The following SLC10A1 variants were observed in gnomAD, a reference collection of about 807,000 sequenced individuals.
SLC10A1 encodes hepatic sodium/bile acid cotransporter.
In SLC10A1, 36 loss-of-function variants were observed where a neutral mutation model predicts 20.5. That is an observed-to-expected ratio of 1.75 (90% CI 1.34 to 2.32). The LOEUF is 2.32. Among genes scored for constraint, SLC10A1 ranks in the 30% most tolerant of loss-of-function variants. The probability of loss-of-function intolerance (pLI) is 0.00; values close to 1 mark genes in which losing one functional copy is unlikely to be tolerated. For missense variants in SLC10A1, 545 were observed against 439.1 expected (o/e 1.24, Z -2.16); for synonymous variants, 188 against 163.6 (o/e 1.15, Z -1.14).
Position 69,786,133 on chromosome 14 carries a change from T to G in SLC10A1, c.531A>C (p.Lys177Asn). 1.2e-6 allele frequency: 2 copies of G among 1,614,150 alleles called. No individual in the cohort carries two copies. The highest frequency in any genetic ancestry group is 1.7e-6 in the Non-Finnish European group (2 of 1,180,038). The change falls in exon 2 of 5, where the codon AAA becomes AAC. Residue 177 changes from lysine (K) to asparagine (N), a missense_variant. By Grantham distance (94) the Lys-to-Asn change is moderately conservative. Transcript: ENST00000216540. Reference protein sequence around the residue: ...LIPCTIGIVLKSKRPQYMRYV... With the variant: ...LIPCTIGIVLNSKRPQYMRYV... Reference sequence around the variant, plus strand: ...AGCGCATGTATTGTGGCCGTTTGGATTTGAGGACGATCCCTATGGTGCAAG... The same window carrying G: ...AGCGCATGTATTGTGGCCGTTTGGAGTTGAGGACGATCCCTATGGTGCAAG...
intron 2 of SLC10A1, among the ~76,000 whole-genome samples, chr14:69,785,180 A>T (rs1345905225): frequency 6.6e-6 from 1 of 152,116 alleles, no homozygotes; most frequent in Non-Finnish European, 1.5e-5. Flanking sequence ...GCAGGGACCA[A>T]ACTCCAAGGT....
chr14:69,789,882 A>G (rs1883800383), intron 1 of SLC10A1, among the ~76,000 whole-genome samples: 1 of 151,776 alleles, frequency 6.6e-6, no homozygotes, highest in Non-Finnish European at 1.5e-5. Flanking sequence ...TAAGTTTTGT[A>G]AATTGTTAGA....
chr14:69,787,959 C>T (rs1036676591), intron 1 of SLC10A1, among the ~76,000 whole-genome samples: 1 of 152,002 alleles, frequency 6.6e-6, no homozygotes, highest in East Asian at 1.9e-4. Flanking sequence ...ACTTGGGAGG[C>T]TGAGGCAGGA....
At chr14:69,787,790 G>A (rs1397872945) in intron 1 of SLC10A1, among the ~76,000 whole-genome samples, 2 of 152,150 alleles carry the variant, frequency 1.3e-5, no homozygotes, top group Non-Finnish European at 2.9e-5. Context: ...AGCATTTAGG[G>A]AGGCCGAGGA....
rs200762587 is a variant in SLC10A1, at chr14:69,775,999, A to G, written c.*283T>C. On this transcript the variant is annotated 3_prime_UTR_variant, in exon 5 of 5. Coordinates refer to ENST00000216540, the MANE Select transcript of SLC10A1 (RefSeq NM_003049.4). ...TTTAAGATGCTTATCAGACACTTTT[A>G]GAGATCCCAGCAAGAGGCAGATTCG... 5 of 398,288 alleles carry G rather than the reference A, an allele frequency of 1.3e-5. No individual in the cohort carries two copies. The South Asian group carries it at 1.8e-4, about 14-fold the overall frequency. 24.7% of individuals were successfully genotyped at this position (398,288 alleles called of 1,614,324 possible).
chr14:69,797,128 AT>A lies in SLC10A1; in HGVS notation c.27del (p.Phe10SerfsTer18). ...AAGTTGGGTGGCAGGGTGAAGTTGA[AT>A]GGGGCAGACGCGTTGTGGGCCTCCA... MEAHNASAPFNFTLPPNFG... is the reference protein window; with the variant it reads MEAHNASAXFNFTLPPNFG... On this transcript the variant is annotated frameshift_variant, in exon 1 of 5. Transcript: ENST00000216540. LOFTEE classifies it high-confidence loss of function. 1 of 1,613,594 alleles carries A rather than the reference AT, an allele frequency of 6.2e-7. No individual in the cohort carries two copies. Among genetic ancestry groups the A allele is most frequent in the South Asian group, 1.1e-5 (1 of 91,022 alleles).
intron 1 of SLC10A1, among the ~76,000 whole-genome samples, chr14:69,790,931 C>A (rs1161088479): frequency 6.6e-6 from 1 of 151,968 alleles, no homozygotes; most frequent in African/African-American, 2.4e-5. Context: ...GTATGAGGTT[C>A]TAAATACATT....
intron 1 of SLC10A1, among the ~76,000 whole-genome samples, chr14:69,789,773 CAT>C (rs1234454857): frequency 1.3e-5 from 2 of 152,044 alleles, no homozygotes; most frequent in African/African-American, 4.8e-5. Context: ...TATAGCCTAA[CAT>C]ATTTATATTG....
At chr14:69,779,084 C>G (rs1883521237) in intron 3 of SLC10A1, 98 bp downstream of exon 3, 1 of 887,834 alleles carries the variant, frequency 1.1e-6, no homozygotes, top group Admixed American at 2.9e-5. Flanking sequence ...TCAGTTAAAC[C>G]CTGGAGGTTG....
chr14:69,781,468 A>G (rs1251211281), intron 2 of SLC10A1, among the ~76,000 whole-genome samples: 1 of 152,238 alleles, frequency 6.6e-6, no homozygotes, highest in African/African-American at 2.4e-5. Flanking sequence ...AGAAATAATC[A>G]GATTCTCTCA....
intron 1 of SLC10A1, among the ~76,000 whole-genome samples, chr14:69,789,526 G>A (rs1432086901): frequency 6.6e-6 from 1 of 152,182 alleles, no homozygotes; most frequent in African/African-American, 2.4e-5. Context: ...GTTGTCAAGG[G>A]TTGGAGCAGG....
chr14:69,791,152 G>A (rs1883828724), intron 1 of SLC10A1, among the ~76,000 whole-genome samples: 2 of 152,034 alleles, frequency 1.3e-5, no homozygotes, highest in African/African-American at 4.8e-5. Context: ...TTATAGATGG[G>A]AAGATTCAAT....
rs199725236 is a variant in SLC10A1 at position 69,796,986 on chromosome 14, T to A, written c.170A>T (p.Lys57Met). ...EFSKIKAHLW[K>M]PKGLAIALVA... is the part of the protein sequence containing the mutation. ...CAGGGCGATGGCCAGCCCTTTAGGC[T>A]TCCATAAGTGAGCCTTGATCTTGCT... Residue 57 changes from lysine (K) to methionine (M), a missense_variant, in exon 1 of 5, where the codon AAG becomes ATG. Lys to Met is a moderately conservative substitution (Grantham distance 95). Coordinates refer to ENST00000216540, the MANE Select transcript of SLC10A1 (RefSeq NM_003049.4). 5 of 1,614,118 alleles carry A rather than the reference T, an allele frequency of 3.1e-6. No individual in the cohort carries two copies. Among genetic ancestry groups the A allele is most frequent in the Admixed American group, 3.3e-5 (2 of 60,012 alleles).
At position 69,779,210 on chromosome 14, in the gene SLC10A1, G is replaced by C; in HGVS notation, c.718C>G (p.Leu240Val). The C allele has an allele frequency of 6.2e-7, 1 of 1,612,756 alleles. No individual in the cohort carries two copies. The highest frequency in any genetic ancestry group is 8.5e-7 in the Non-Finnish European group (1 of 1,179,586). ...PFIGFLLGYV[L>V]SALFCLNGRC... Reference sequence around the variant, plus strand: ...CCATTGAGGCAGAAGAGAGCAGAGAGAACATAACCCAGCAGAAAGCCAATA... The same window carrying C: ...CCATTGAGGCAGAAGAGAGCAGAGACAACATAACCCAGCAGAAAGCCAATA... Residue 240 changes from leucine to valine, a missense_variant, in exon 3 of 5, where the codon CTC becomes GTC. Transcript: ENST00000216540.
chr14:69,794,039 C>A (rs1882338024), intron 1 of SLC10A1, among the ~76,000 whole-genome samples: 1 of 152,092 alleles, frequency 6.6e-6, no homozygotes, highest in African/African-American at 2.4e-5. Flanking sequence ...GACACAGTTT[C>A]CCACAAACTC....
chr14:69,788,917 A>G (rs1594763814), intron 1 of SLC10A1, among the ~76,000 whole-genome samples: 2 of 152,186 alleles, frequency 1.3e-5, no homozygotes, highest in African/African-American at 2.4e-5. Flanking sequence ...TGAATGAGAT[A>G]TTTTCCCAAA....
Position 69,786,270 on chromosome 14 carries a change from C to T in SLC10A1, c.394G>A (p.Gly132Ser), listed in dbSNP as rs760687289. 1 of 1,613,990 alleles carries T rather than the reference C, an allele frequency of 6.2e-7. No individual in the cohort carries two copies. Among genetic ancestry groups the T allele is most frequent in the South Asian group, 1.1e-5 (1 of 91,066 alleles). ...MTTCSTFCALGMMPLLLYIYS... is the reference protein window; with the variant it reads ...MTTCSTFCALSMMPLLLYIYS... ...ATGTACAGGAGGAGAGGCATCATGC[C>T]AAGGGCACAGAAGGTGGAGCAGGTG... The change falls in exon 2 of 5, where the codon GGC (glycine) becomes AGC (serine). Residue 132 changes from glycine (G) to serine (S), a missense_variant. Physicochemically the swap from Gly to Ser is moderately conservative, Grantham distance 56. Transcript: ENST00000216540.
chr14:69,792,613 G>A (rs1291378097), intron 1 of SLC10A1, among the ~76,000 whole-genome samples: 2 of 152,212 alleles, frequency 1.3e-5, no homozygotes, highest in Admixed American at 6.5e-5. Flanking sequence ...AGTGAACAAT[G>A]ACCTTGGAGA....
rs781505948 is a variant in SLC10A1, at chr14:69,797,139, G to A, written c.17C>T (p.Ala6Val). The A allele has an allele frequency of 2.7e-5, 43 of 1,610,076 alleles. No individual in the cohort carries two copies. The highest frequency in any genetic ancestry group is 3.4e-5 in the Non-Finnish European group (40 of 1,177,736). The change falls in exon 1 of 5, where the codon GCG becomes GTG. Residue 6 changes from alanine (A) to valine (V), a missense_variant. Coordinates refer to ENST00000216540, the MANE Select transcript of SLC10A1 (RefSeq NM_003049.4). Reference sequence around the variant, plus strand: ...CAGGGTGAAGTTGAATGGGGCAGACGCGTTGTGGGCCTCCATCCTCCTGTG... The same window carrying A: ...CAGGGTGAAGTTGAATGGGGCAGACACGTTGTGGGCCTCCATCCTCCTGTG... The part of the protein sequence containing the change: MEAHN[A>V]SAPFNFTLPP...
Sources: gnomAD v4.1 joint callset for allele counts (sites outside exome capture counted in the v4.1 genomes callset) on GRCh38, gnomAD v4.1.1 for gene constraint, MANE v1.5 for transcripts, NCBI Gene and HGNC (gene_info 2026-07-23, HGNC 2026-07-21) for gene names.